The following RAB27B variants were observed in gnomAD, a reference collection of about 807,000 sequenced individuals.
The protein encoded by RAB27B is ras-related protein Rab-27B.
A neutral mutation model predicts 24.6 loss-of-function variants in RAB27B; 15 were observed. That is an observed-to-expected ratio of 0.61 (90% CI 0.41 to 0.94). The LOEUF (loss-of-function observed/expected upper bound fraction) is 0.94, where lower values mean the gene tolerates loss of function less well. Ranked by LOEUF, RAB27B falls within the 40% of genes least tolerant of loss-of-function variation. The pLI is 0.00. For synonymous variants in RAB27B, 105 were observed against 92.5 expected, an observed-to-expected ratio of 1.14 and a Z score of -0.78; for missense variants, 261 against 266.8, an observed-to-expected ratio of 0.98 and a Z score of 0.15.
intron 1 of RAB27B, among the ~76,000 whole-genome samples, chr18:54,864,928 T>A (rs1912150713): frequency 6.6e-6 from 1 of 152,138 alleles, no homozygotes; most frequent in South Asian, 2.1e-4. Flanking sequence ...GCTTGTGATT[T>A]TTGTGAAAAG....
chr18:54,818,851 T>C (rs1438904852), intron 2 of RAB27B, among the ~76,000 whole-genome samples: 1 of 152,186 alleles, frequency 6.6e-6, no homozygotes, highest in Admixed American at 6.5e-5. Context: ...TAAATTCTCA[T>C]AAAACTCATC....
At chr18:54,775,407 T>C (rs1286368495) in intron 2 of RAB27B, among the ~76,000 whole-genome samples, 1 of 152,216 alleles carries the variant, frequency 6.6e-6, no homozygotes, top group Non-Finnish European at 1.5e-5. Flanking sequence ...CTTGGCATCA[T>C]ATTGCCAAGG....
At chr18:54,878,391 C>T (rs1221399025) in intron 2 of RAB27B, among the ~76,000 whole-genome samples, 1 of 152,168 alleles carries the variant, frequency 6.6e-6, no homozygotes, top group South Asian at 2.1e-4. Flanking sequence ...TTTACTGCCA[C>T]CCTGGGTATT....
intron 1 of RAB27B, among the ~76,000 whole-genome samples, chr18:54,847,939 C>T (rs985720902): frequency 7.9e-5 from 12 of 152,288 alleles, no homozygotes; most frequent in Middle Eastern, 3.4e-3. Flanking sequence ...CCCAGAATCA[C>T]GCAGATTCAG....
intron 3 of RAB27B, among the ~76,000 whole-genome samples, chr18:54,881,225 A>G (rs1187476554): frequency 2.0e-5 from 3 of 152,280 alleles, no homozygotes; most frequent in Admixed American, 6.5e-5. Flanking sequence ...TTTTATTGCA[A>G]ATCGACTTGC....
chr18:54,839,827 A>G (rs748183720), intron 1 of RAB27B, among the ~76,000 whole-genome samples: 7 of 152,224 alleles, frequency 4.6e-5, no homozygotes, highest in Non-Finnish European at 8.8e-5. Flanking sequence ...AATTTATACT[A>G]GAATTACAGG....
intron 3 of RAB27B, among the ~76,000 whole-genome samples, chr18:54,881,110 G>A (rs965400954): frequency 6.6e-6 from 1 of 152,114 alleles, no homozygotes; most frequent in Non-Finnish European, 1.5e-5. Flanking sequence ...ATGTAGCTTT[G>A]GGGTCTGTTT....
chr18:54,793,574 C>T (rs1039283900), intron 2 of RAB27B, among the ~76,000 whole-genome samples: 1 of 152,212 alleles, frequency 6.6e-6, no homozygotes, highest in South Asian at 2.1e-4. Context: ...GGATCTGTCT[C>T]TTCCAATGTT....
rs1464532457 is a variant in RAB27B, at chr18:54,884,379, T to A, written c.286T>A (p.Leu96Ile). ...ATTTTTCAGAGACGCCATGGGCTTCTTATTAATGTTTGACCTCACCAGTCA... is the reference window on the plus strand; with the variant it reads ...ATTTTTCAGAGACGCCATGGGCTTCATATTAATGTTTGACCTCACCAGTCA... ...TAFFRDAMGF[L>I]LMFDLTSQQS... The change falls in exon 4 of 6, where the codon TTA becomes ATA. Residue 96 changes from leucine (L) to isoleucine (I), a missense_variant. By Grantham distance (5) the Leu-to-Ile change is conservative (BLOSUM62 2). Coordinates refer to ENST00000262094, the MANE Select transcript of RAB27B (RefSeq NM_004163.4). 1 of 1,613,026 alleles carries A rather than the reference T, an allele frequency of 6.2e-7. No homozygotes were observed. The highest frequency in any genetic ancestry group is 2.2e-5 in the East Asian group (1 of 44,860).
chr18:54,748,853 G>A (rs992812301), intron 2 of RAB27B, among the ~76,000 whole-genome samples: 2 of 152,170 alleles, frequency 1.3e-5, no homozygotes, highest in African/African-American at 2.4e-5. Flanking sequence ...AACTCAAAGA[G>A]GAACTAAATG....
chr18:54,887,320 G>T lies in RAB27B; in HGVS notation c.344-675G>T, dbSNP rs1259812710. 2.0e-5 allele frequency among the ~76,000 whole-genome samples: 3 copies of T among 151,944 alleles called. No individual in the cohort carries two copies. In the East Asian group the frequency reaches 5.8e-4, roughly 30 times the overall value. ...CATCTATATTTGAGGAACAAATGGTGTGAAGCAGTTATGGCCATCTCAGGG... is the reference window on the plus strand; with the variant it reads ...CATCTATATTTGAGGAACAAATGGTTTGAAGCAGTTATGGCCATCTCAGGG... On this transcript the variant is annotated intron_variant, in intron 4 of 5. Coordinates refer to ENST00000262094, the MANE Select transcript of RAB27B (RefSeq NM_004163.4).
intron 1 of RAB27B, among the ~76,000 whole-genome samples, chr18:54,874,297 G>C (rs912817044): frequency 6.6e-6 from 1 of 152,138 alleles, no homozygotes; most frequent in Non-Finnish European, 1.5e-5. Flanking sequence ...AGTCCCTGAA[G>C]ACACTGTTTT....
intron 2 of RAB27B, among the ~76,000 whole-genome samples, chr18:54,796,008 A>AC (rs1372061127): frequency 6.6e-6 from 1 of 152,042 alleles, no homozygotes; most frequent in Non-Finnish European, 1.5e-5. Flanking sequence ...TATAATCATC[A>AC]CCCCCAAAGT....
At chr18:54,779,904 C>T (rs1424353949) in intron 2 of RAB27B, among the ~76,000 whole-genome samples, 2 of 151,810 alleles carry the variant, frequency 1.3e-5, no homozygotes, top group Non-Finnish European at 2.9e-5. Context: ...TTCCCCCTCA[C>T]CCTCTCTACC....
At chr18:54,863,766 A>T (rs9946352) in intron 1 of RAB27B, among the ~76,000 whole-genome samples, 148,078 of 152,340 alleles carry the variant, frequency 0.97, 72,099 homozygotes, top group East Asian at 1. Flanking sequence ...AATCATAAAA[A>T]ATTTGGCCTT....
At chr18:54,833,784 G>T (rs529944504) in intron 1 of RAB27B, among the ~76,000 whole-genome samples, 4 of 152,186 alleles carry the variant, frequency 2.6e-5, no homozygotes, top group Non-Finnish European at 4.4e-5. Context: ...CAGTGCAAAA[G>T]GATTTGCTGA....
intron 5 of RAB27B, 89 bp downstream of exon 5, chr18:54,888,207 C>A: frequency 6.9e-7 from 1 of 1,439,282 alleles, no homozygotes; most frequent in Non-Finnish European, 9.5e-7. Context: ...TAGAAGAAAT[C>A]CCCTTAACCA....
chr18:54,767,669 T>C (rs189451677), intron 2 of RAB27B, among the ~76,000 whole-genome samples: 1 of 152,338 alleles, frequency 6.6e-6, no homozygotes, highest in East Asian at 1.9e-4. Context: ...TATACACTTA[T>C]TTCATTCCAT....
intron 2 of RAB27B, among the ~76,000 whole-genome samples, chr18:54,780,762 C>A (rs1486824913): frequency 6.6e-6 from 1 of 152,060 alleles, no homozygotes; most frequent in Non-Finnish European, 1.5e-5. Flanking sequence ...TAACACCTAC[C>A]CAATCAGAAA....
Sources: gnomAD v4.1 joint callset for allele counts (sites outside exome capture counted in the v4.1 genomes callset) on GRCh38, gnomAD v4.1.1 for gene constraint, MANE v1.5 for transcripts, NCBI Gene and HGNC (gene_info 2026-07-23, HGNC 2026-07-21) for gene names.